SLC9B1: variants seen among roughly 807,000 people sequenced by gnomAD.
SLC9B1 encodes the protein solute carrier family 9 member B1, also known as sodium/hydrogen exchanger 9B1.
SLC9B1 carries 32 observed loss-of-function variants against 51.7 expected under a neutral mutation model. The observed-to-expected ratio is 0.62, with a 90% CI of 0.47 to 0.83. SLC9B1 has a LOEUF of 0.83. Among genes scored for constraint, SLC9B1 ranks in the 40% least tolerant of loss-of-function variants. The pLI is 0.00. For missense variants in SLC9B1, 406 were observed against 613.2 expected, an observed-to-expected ratio of 0.66 and a Z score of 3.57; for synonymous variants, 145 against 212.7, an observed-to-expected ratio of 0.68 and a Z score of 2.77.
intron 7 of SLC9B1, among the ~76,000 whole-genome samples, chr4:102,920,104 G>A (rs1735788272): frequency 6.6e-6 from 1 of 152,206 alleles, no homozygotes; most frequent in Non-Finnish European, 1.5e-5. Context: ...TCATCAAGTG[G>A]GTCCCTGACC....
intron 7 of SLC9B1, among the ~76,000 whole-genome samples, chr4:102,925,476 C>T (rs1736113034): frequency 6.6e-6 from 1 of 151,916 alleles, no homozygotes; most frequent in South Asian, 2.1e-4. Context: ...GGGTGCAGCA[C>T]ACCAATATGG....
intron 1 of SLC9B1, among the ~76,000 whole-genome samples, chr4:103,013,220 G>A (rs1741167015): frequency 6.6e-6 from 1 of 152,142 alleles, no homozygotes; most frequent in African/African-American, 2.4e-5. Context: ...ACTGTTAACT[G>A]CACTCCATGC....
intron 1 of SLC9B1, among the ~76,000 whole-genome samples, chr4:103,012,658 T>C (rs551975133): frequency 1.3e-5 from 2 of 152,356 alleles, no homozygotes; most frequent in East Asian, 3.9e-4. Flanking sequence ...GCCAAAATAC[T>C]TGAGACTGAG....
At chr4:102,889,404 C>A (rs987132848) in intron 11 of SLC9B1, 12 of 152,174 alleles carry the variant, frequency 7.9e-5, no homozygotes, top group Non-Finnish European at 2.9e-5. Context: ...TCATGAAATG[C>A]TCTTCTTTTT....
chr4:102,957,467 C>G (rs1288670046), intron 3 of SLC9B1, among the ~76,000 whole-genome samples: 1 of 151,854 alleles, frequency 6.6e-6, no homozygotes, highest in Non-Finnish European at 1.5e-5. Context: ...ATAATATGAT[C>G]AATACTGGCA....
intron 3 of SLC9B1, among the ~76,000 whole-genome samples, chr4:102,986,895 C>T (rs759289320): frequency 1.8e-4 from 28 of 152,178 alleles, no homozygotes; most frequent in Non-Finnish European, 3.5e-4. Flanking sequence ...GAGATCTTAG[C>T]ATATTTAACA....
At chr4:103,001,465 C>T (rs1008351029) in intron 1 of SLC9B1, among the ~76,000 whole-genome samples, 8 of 152,324 alleles carry the variant, frequency 5.3e-5, no homozygotes, top group South Asian at 4.1e-4. Context: ...CTGCCAGATA[C>T]CCTAAATCAT....
chr4:102,910,460 C>A lies in SLC9B1; in HGVS notation c.1065G>T (p.Gly355=). 2 of 1,553,268 alleles carry A rather than the reference C, an allele frequency of 1.3e-6. No individual in the cohort carries two copies. The highest frequency in any genetic ancestry group is 1.7e-6 in the Non-Finnish European group (2 of 1,157,990). ...TCACCTTTTCTTGGGACCATTTTGT[C>A]CCTGCAATGAAACTCAACACTAGTG... ...LCTLVLSFIA[G]TKWSQEKMKV... is the part of the protein sequence containing the mutation. The change falls in exon 9 of 12, where the codon GGG becomes GGT. Residue 355 remains glycine, a synonymous_variant. Coordinates refer to ENST00000296422, the MANE Select transcript of SLC9B1 (RefSeq NM_139173.4).
chr4:102,931,142 C>T (rs1020645189), intron 7 of SLC9B1, among the ~76,000 whole-genome samples: 5 of 151,008 alleles, frequency 3.3e-5, no homozygotes, highest in South Asian at 2.1e-4. Context: ...AGGAGAATGG[C>T]GTGAACCCGG....
intron 5 of SLC9B1, among the ~76,000 whole-genome samples, chr4:102,946,126 T>C (rs1737254033): frequency 6.6e-6 from 1 of 152,180 alleles, no homozygotes; most frequent in Non-Finnish European, 1.5e-5. Flanking sequence ...TAGAAGAGCC[T>C]CCCAAATAAT....
At chr4:102,964,986 C>A (rs34273354) in intron 3 of SLC9B1, among the ~76,000 whole-genome samples, 1 of 151,876 alleles carries the variant, frequency 6.6e-6, no homozygotes, top group African/African-American at 2.4e-5. Flanking sequence ...ACAGAAAATC[C>A]TAAGGAACAC....
chr4:102,998,108 C>T (rs1258990256), intron 1 of SLC9B1, among the ~76,000 whole-genome samples: 1 of 152,140 alleles, frequency 6.6e-6, no homozygotes, highest in East Asian at 1.9e-4. Context: ...CACCATCCAT[C>T]TCCAGAACTT....
intron 7 of SLC9B1, among the ~76,000 whole-genome samples, chr4:102,929,715 C>T (rs1021664609): frequency 2.0e-5 from 3 of 152,080 alleles, no homozygotes; most frequent in Non-Finnish European, 2.9e-5. Flanking sequence ...AGAGATGGAG[C>T]TTTGCTATGT....
intron 9 of SLC9B1, among the ~76,000 whole-genome samples, chr4:102,908,456 A>C (rs1735167554): frequency 1.3e-5 from 2 of 152,408 alleles, no homozygotes; most frequent in South Asian, 2.1e-4. Context: ...TTAACTTACA[A>C]ACTGTATGTG....
At chr4:102,965,736 A>C (rs1738386516) in intron 3 of SLC9B1, among the ~76,000 whole-genome samples, 1 of 152,164 alleles carries the variant, frequency 6.6e-6, no homozygotes, top group Non-Finnish European at 1.5e-5. Flanking sequence ...CCAAAGTCTC[A>C]TATAAGACTC....
chr4:102,998,121 T>C (rs191596785), intron 1 of SLC9B1, among the ~76,000 whole-genome samples: 7 of 152,174 alleles, frequency 4.6e-5, no homozygotes, highest in Non-Finnish European at 7.4e-5. Flanking sequence ...CAGAACTTTT[T>C]CATTATCTTG....
At chr4:102,926,580 G>T (rs1396239413) in intron 7 of SLC9B1, among the ~76,000 whole-genome samples, 2 of 152,148 alleles carry the variant, frequency 1.3e-5, no homozygotes, top group Non-Finnish European at 2.9e-5. Context: ...ACAAACCACT[G>T]CTCAACGAAA....
intron 3 of SLC9B1, among the ~76,000 whole-genome samples, chr4:102,982,796 G>C (rs1228587433): frequency 6.6e-5 from 10 of 151,954 alleles, no homozygotes. Flanking sequence ...GATTCTTTTA[G>C]AATTTTTACC....
At chr4:102,965,234 G>A (rs888337879) in intron 3 of SLC9B1, among the ~76,000 whole-genome samples, 9 of 151,968 alleles carry the variant, frequency 5.9e-5, no homozygotes, top group Non-Finnish European at 1.2e-4. Context: ...GTATAAAGAG[G>A]TTTATTTAGC....
Sources: allele counts gnomAD v4.1 joint callset (sites outside exome capture counted in the v4.1 genomes callset), GRCh38; gene constraint gnomAD v4.1.1; transcripts MANE v1.5; gene names NCBI Gene and HGNC (gene_info 2026-07-23, HGNC 2026-07-21).